MYOM1: variants seen among roughly 807,000 people sequenced by gnomAD.
MYOM1 encodes myomesin-1.
In MYOM1, 164 loss-of-function variants were observed where a neutral mutation model predicts 205.3. The observed-to-expected ratio is 0.80, with a 90% confidence interval of 0.70 to 0.91. MYOM1 has a LOEUF of 0.91. Among genes scored for constraint, MYOM1 ranks in the 40% least tolerant of loss-of-function variants. The probability of loss-of-function intolerance (pLI) is 0.00; values close to 1 mark genes in which losing one functional copy is unlikely to be tolerated. For synonymous variants in MYOM1, 772 were observed against 789.4 expected (o/e 0.98, Z 0.37); for missense variants, 2,011 against 2,127.3 (o/e 0.95, Z 1.08).
At chr18:3,173,841 T>G in intron 8 of MYOM1, 97 bp downstream of exon 8, 3 of 1,084,698 alleles carry the variant, frequency 2.8e-6, no homozygotes, top group Non-Finnish European at 2.8e-6. Context: ...ATATACTATG[T>G]TATATATAGT....
At chr18:3,195,209 C>T (rs1294931482) in intron 2 of MYOM1, among the ~76,000 whole-genome samples, 1 of 152,204 alleles carries the variant, frequency 6.6e-6, no homozygotes, top group Admixed American at 6.5e-5. Context: ...GGCAGCGGCC[C>T]CTTGAATCCT....
chr18:3,071,820 G>A lies in MYOM1; in HGVS notation c.4764+14C>T. ...AGTGCAGAAGGAGCAGGCACAGGCA[G>A]GCTTCATGCTTACCTTCCCCTCCTG... On this transcript the variant is annotated intron_variant, in intron 37 of 37. Coordinates refer to ENST00000356443, the MANE Select transcript of MYOM1 (RefSeq NM_003803.4). 6.3e-7 allele frequency: 1 copy of A among 1,593,580 alleles called. No homozygotes were observed. Among genetic ancestry groups the A allele is most frequent in the Non-Finnish European group, 8.5e-7 (1 of 1,169,786 alleles).
intron 31 of MYOM1, 85 bp from the exon 32 acceptor site, chr18:3,084,112 T>A (rs1030041634): frequency 7.0e-7 from 1 of 1,433,740 alleles, no homozygotes; most frequent in Non-Finnish European, 9.6e-7. Context: ...TCTCAAAAAT[T>A]CCCTTTCTGG....
chr18:3,090,512 G>A (rs1403161533), intron 27 of MYOM1, 146 bp downstream of exon 27: 7 of 1,071,442 alleles, frequency 6.5e-6, no homozygotes, highest in South Asian at 1.6e-5. Flanking sequence ...GAGCCACCGC[G>A]CCCAGCTGAA....
In MYOM1 at chr18:3,089,674, T is replaced by G. The variant is rs754372408; in HGVS notation, c.4010-78A>C. 2.8e-6 allele frequency: 3 copies of G among 1,084,488 alleles called. No homozygotes were observed. In the African/African-American group the frequency reaches 4.7e-5, roughly 17 times the overall value. 67.2% of individuals were successfully genotyped at this position (1,084,488 alleles called of 1,614,324 possible). A position where few individuals can be genotyped will look rare whatever the true frequency, so the allele number is the denominator to read the frequency against. ...ACATGTCAGCCACTGCACTAAGTGA[T>G]TTATATTCATTATTGTAACACTCAT... On this transcript the variant is annotated intron_variant, in intron 27 of 37. Transcript: ENST00000356443.
At chr18:3,100,499 G>C in intron 23 of MYOM1, 73 bp from the exon 24 acceptor site, 1 of 1,090,616 alleles carries the variant, frequency 9.2e-7, no homozygotes, top group Non-Finnish European at 1.4e-6. Context: ...CCTGAATCTG[G>C]GCATTTGTGT....
chr18:3,222,600 A>G (rs941607692), upstream of MYOM1, among the ~76,000 whole-genome samples: 2 of 152,212 alleles, frequency 1.3e-5, no homozygotes, highest in Admixed American at 6.5e-5. Flanking sequence ...GACCTAATAA[A>G]TTATTGTCTG....
intron 27 of MYOM1, among the ~76,000 whole-genome samples, chr18:3,090,298 C>A (rs933993683): frequency 2.0e-5 from 3 of 148,216 alleles, no homozygotes; most frequent in Non-Finnish European, 4.4e-5. Context: ...TGGCTCACTG[C>A]AATCTCTGCT....
chr18:3,136,121 T>C (rs1598710636), intron 14 of MYOM1, among the ~76,000 whole-genome samples: 1 of 105,644 alleles, frequency 9.5e-6, no homozygotes, highest in African/African-American at 4.2e-5. Context: ...TTGGCTCTCC[T>C]TCTGTCTTGC....
intron 5 of MYOM1, among the ~76,000 whole-genome samples, chr18:3,180,388 G>A (rs2080712560): frequency 6.6e-6 from 1 of 152,140 alleles, no homozygotes. Context: ...CATTTAAAGC[G>A]GTGGTCAAGG....
chr18:3,067,440 C>T lies in MYOM1; in HGVS notation c.4880G>A (p.Arg1627Lys), dbSNP rs750024928. 6.2e-7 allele frequency: 1 copy of T among 1,613,760 alleles called. No individual in the cohort carries two copies. Among genetic ancestry groups the T allele is most frequent in the South Asian group, 1.1e-5 (1 of 91,066 alleles). The change falls in exon 38 of 38, where the codon AGG becomes AAG. Residue 1627 changes from arginine to lysine, a missense_variant. Transcript: ENST00000356443. ...DHCNLKFEAG[R>K]TAYFTINGVS... ...GCCGTTGATGGTGAAGTACGCGGTC[C>T]TCCCAGCCTCGAACTTGAGGTTGCA...
chr18:3,139,077 CGAGATCAGCCTGGGCAACATAGGGA>C (rs2080012265), intron 14 of MYOM1, among the ~76,000 whole-genome samples: 2 of 152,082 alleles, frequency 1.3e-5, no homozygotes, highest in South Asian at 4.1e-4. Flanking sequence ...CCCAGGAGTT[CGAGATCAGCCTGGGCAACATAGGGA>C]GACCCCATCT....
chr18:3,123,633 T>C (rs1306095293), intron 19 of MYOM1, among the ~76,000 whole-genome samples: 1 of 151,720 alleles, frequency 6.6e-6, no homozygotes, highest in Non-Finnish European at 1.5e-5. Flanking sequence ...TAAGTTTTTT[T>C]ATTGTTGTTT....
At chr18:3,239,723 G>T in the MYOM1 span, among the ~76,000 whole-genome samples, 1 of 128,526 alleles carries the variant, frequency 7.8e-6, no homozygotes, top group Non-Finnish European at 1.6e-5. Flanking sequence ...TACCACTGCA[G>T]TCTGGCCTGG....
At chr18:3,099,235 T>C (rs527760992) in intron 25 of MYOM1, among the ~76,000 whole-genome samples, 47 of 152,216 alleles carry the variant, frequency 3.1e-4, no homozygotes, top group African/African-American at 1.1e-3. Flanking sequence ...TCTAGAGCAG[T>C]GGTGTGTGTT....
At chr18:3,198,099 T>C (rs1337071124) in intron 2 of MYOM1, among the ~76,000 whole-genome samples, 1 of 152,062 alleles carries the variant, frequency 6.6e-6, no homozygotes, top group Non-Finnish European at 1.5e-5. Flanking sequence ...AAACTGAACA[T>C]AAAGTAAAAT....
chr18:3,227,180 GT>G, the MYOM1 span, among the ~76,000 whole-genome samples: 4 of 150,020 alleles, frequency 2.7e-5, no homozygotes, highest in African/African-American at 7.3e-5. Context: ...TCTTTCTTTT[GT>G]TTTTTTTTAA....
At chr18:3,150,979 C>CTT (rs1164882266) in intron 12 of MYOM1, among the ~76,000 whole-genome samples, 28 of 55,852 alleles carry the variant, frequency 5.0e-4, no homozygotes, top group African/African-American at 1.6e-3. Context: ...CCATGCCTGG[C>CTT]TTTTTTTTTT....
intron 10 of MYOM1, among the ~76,000 whole-genome samples, chr18:3,156,875 C>T (rs1295377426): frequency 6.6e-6 from 1 of 152,174 alleles, no homozygotes; most frequent in Non-Finnish European, 1.5e-5. Flanking sequence ...TCCCAAAGTG[C>T]TGGGATTACA....
Sources: allele counts gnomAD v4.1 joint callset (sites outside exome capture counted in the v4.1 genomes callset), GRCh38; gene constraint gnomAD v4.1.1; transcripts MANE v1.5; gene names NCBI Gene and HGNC (gene_info 2026-07-23, HGNC 2026-07-21).